Variants in ABCC6 observed in about 807,000 individuals in gnomAD.
ABCC6 encodes the protein ATP binding cassette subfamily C member 6.
ABCC6 carries 126 observed loss-of-function variants against 169.5 expected under a neutral mutation model. That is an observed-to-expected ratio of 0.74 (90% CI 0.64 to 0.86). The LOEUF (loss-of-function observed/expected upper bound fraction) is 0.86, where lower values mean the gene tolerates loss of function less well. ABCC6 is among the 40% of genes least tolerant of loss of function. ABCC6 has a pLI of 0.00. For synonymous variants in ABCC6, 752 were observed against 814.7 expected, an observed-to-expected ratio of 0.92 and a Z score of 1.31; for missense variants, 1,733 against 1,927.2, an observed-to-expected ratio of 0.90 and a Z score of 1.89.
At chr16:16,154,042 C>T (rs2046465706) in intron 29 of ABCC6, among the ~76,000 whole-genome samples, 1 of 152,008 alleles carries the variant, frequency 6.6e-6, no homozygotes, top group East Asian at 1.9e-4. Flanking sequence ...CTTCGCCTCC[C>T]TGGCTCAAGC....
intron 8 of ABCC6, among the ~76,000 whole-genome samples, chr16:16,202,568 A>AC (rs148806931): frequency 0.36 from 54,448 of 149,526 alleles, 12,498 homozygotes; most frequent in African/African-American, 0.65. Context: ...ATCCAATCTG[A>AC]TGGGGTCCTT....
At chr16:16,166,519 G>C (rs762357729) in intron 22 of ABCC6, among the ~76,000 whole-genome samples, 3 of 152,040 alleles carry the variant, frequency 2.0e-5, no homozygotes, top group Non-Finnish European at 2.9e-5. Context: ...ACAAGCCAAG[G>C]AATGCCAGCG....
chr16:16,215,529 A>G (rs2048837112), intron 4 of ABCC6, among the ~76,000 whole-genome samples: 1 of 141,932 alleles, frequency 7.0e-6, no homozygotes, highest in African/African-American at 2.7e-5. Flanking sequence ...GCTGATGTGC[A>G]GTGGCATGAT....
In ABCC6 at chr16:16,175,993, G is replaced by A. The variant is rs1461015650; in HGVS notation, c.2591-7C>T. 5.0e-6 allele frequency: 8 copies of A among 1,613,834 alleles called. No individual in the cohort carries two copies. Among genetic ancestry groups the A allele is most frequent in the Non-Finnish European group, 6.8e-6 (8 of 1,179,938 alleles). On this transcript the variant is annotated splice_region_variant and splice_polypyrimidine_tract_variant and intron_variant, in intron 19 of 30. Coordinates refer to ENST00000205557, the MANE Select transcript of ABCC6 (RefSeq NM_001171.6). ...CTGGTCCCAGGTTCTGTTTCTGCAA[G>A]GTCAAGAGAGTCCTGTCACGCAACA... is the stretch of plus-strand genomic sequence containing the variant.
intron 30 of ABCC6, 122 bp from the exon 31 acceptor site, chr16:16,150,363 C>A: frequency 1.3e-6 from 2 of 1,544,308 alleles, no homozygotes; most frequent in Non-Finnish European, 1.8e-6. Flanking sequence ...CCATGCGGCT[C>A]CCTGGCCCTC....
chr16:16,177,726 T>C, intron 18 of ABCC6, 100 bp from the exon 19 acceptor site: 1 of 1,460,454 alleles, frequency 6.8e-7, no homozygotes, highest in Non-Finnish European at 9.5e-7. Context: ...GTGGATCACT[T>C]GAGGCCAGAA....
intron 26 of ABCC6, 32 bp from the exon 27 acceptor site, chr16:16,157,841 G>A (rs1339854588): frequency 2.5e-6 from 4 of 1,599,944 alleles, no homozygotes; most frequent in Non-Finnish European, 2.5e-6. Context: ...AGTCAGAGGA[G>A]CCTTCCTCTA....
chr16:16,155,449 C>T (rs373282093), intron 27 of ABCC6: 1 of 248,208 alleles, frequency 4.0e-6, no homozygotes, highest in Non-Finnish European at 7.9e-6. Flanking sequence ...AATCCCATCC[C>T]TCCATCTCTC....
chr16:16,219,326 G>C (rs575592394), intron 4 of ABCC6, among the ~76,000 whole-genome samples: 49 of 152,272 alleles, frequency 3.2e-4, no homozygotes, highest in African/African-American at 1.1e-3. Context: ...CAAGTGGCAC[G>C]TGTGATGTGG....
In ABCC6 at chr16:16,163,153, C is replaced by A; in HGVS notation, c.3346G>T (p.Glu1116Ter). The A allele has an allele frequency of 1.2e-6, 2 of 1,613,688 alleles. No homozygotes were observed. Among genetic ancestry groups the A allele is most frequent in the Non-Finnish European group, 1.7e-6 (2 of 1,180,034 alleles). ...VVSSCQLRRL[E>*]SASYSSVCSH... ...CAGACAGACGAGTAGCTGGCTGACTCCAAGCGTCTCAGCTGGCATGAGCTA... is the reference window on the plus strand; with the variant it reads ...CAGACAGACGAGTAGCTGGCTGACTACAAGCGTCTCAGCTGGCATGAGCTA... The change falls in exon 24 of 31, where the codon GAG (glutamate) becomes TAG (stop). Residue 1116 changes from glutamate (E) to a stop codon, truncating the protein, a stop_gained. Coordinates refer to ENST00000205557, the MANE Select transcript of ABCC6 (RefSeq NM_001171.6). LOFTEE classifies it high-confidence loss of function.
chr16:16,181,626 G>C (rs1387345656), intron 17 of ABCC6: 1 of 153,420 alleles, frequency 6.5e-6, no homozygotes, highest in Admixed American at 6.5e-5. Context: ...TGGGAGATGG[G>C]GCTAATGGAT....
At position 16,149,695 on chromosome 16, in the gene ABCC6, A is replaced by G. The variant is rs887589566; in HGVS notation, c.*438T>C. ...GGGTACCAAGTACACGAATCTCTCT[A>G]TATTATTGTTTCTTTAACTGCATGT... On this transcript the variant is annotated 3_prime_UTR_variant, in exon 31 of 31. Coordinates refer to ENST00000205557, the MANE Select transcript of ABCC6 (RefSeq NM_001171.6). 2.0e-4 allele frequency: 65 copies of G among 321,080 alleles called. No individual in the cohort carries two copies. Among genetic ancestry groups the G allele is most frequent in the Admixed American group, 1.7e-3 (38 of 22,708 alleles). The allele number at this position is 321,080 out of a possible 1,614,324, so 19.9% of individuals were successfully genotyped here. A position where few individuals can be genotyped will look rare whatever the true frequency, so the allele number is the denominator to read the frequency against.
rs1295812870 is a variant in ABCC6, at chr16:16,182,263, G to A, written c.2247+149C>T. ...TGATTACGTATTGAGCACCTAGCAC[G>A]TGCTTGACGCTGAGCTGAGCCCTTT... On this transcript the variant is annotated intron_variant, in intron 17 of 30. Transcript: ENST00000205557. 25 of 945,694 alleles carry A rather than the reference G, an allele frequency of 2.6e-5. No homozygotes were observed. The Middle Eastern group carries it at 9.7e-4, about 37-fold the overall frequency. 58.6% of individuals were successfully genotyped at this position (945,694 alleles called of 1,614,324 possible).
intron 4 of ABCC6, among the ~76,000 whole-genome samples, chr16:16,217,144 T>G (rs4781760): frequency 2.6e-5 from 4 of 152,034 alleles, no homozygotes; most frequent in Non-Finnish European, 2.9e-5. Flanking sequence ...TTTTAAATCA[T>G]GATTCCTCTA....
intron 17 of ABCC6, among the ~76,000 whole-genome samples, chr16:16,181,359 AAAAAAAAAAG>A (rs1347541306): frequency 1.6e-5 from 2 of 127,104 alleles, no homozygotes; most frequent in African/African-American, 2.8e-5. Context: ...AAAAAAAAAA[AAAAAAAAAAG>A]AGAAAAAGCA....
At chr16:16,184,225 A>C (rs1213699462) in intron 15 of ABCC6, 1 of 221,636 alleles carries the variant, frequency 4.5e-6, no homozygotes, top group Admixed American at 5.2e-5. Flanking sequence ...AAAAAAAAAA[A>C]AAGAACAGCT....
In ABCC6 at chr16:16,182,874, G is replaced by GC. The variant is rs72664227; in HGVS notation, c.1999dup (p.Ala667GlyfsTer74). The GC allele has an allele frequency of 6.2e-7, 1 of 1,614,024 alleles. No individual in the cohort carries two copies. The highest frequency in any genetic ancestry group is 8.5e-7 in the Non-Finnish European group (1 of 1,180,008). On this transcript the variant is annotated frameshift_variant, in exon 16 of 31. Transcript: ENST00000205557. LOFTEE classifies it high-confidence loss of function. ...GGCGGACAGCAGGGAGGACTTCCCT[G>GC]CCCCCACTGGACCGACAACAGCCAG...
In ABCC6 at chr16:16,192,008, G is replaced by T. The variant is rs527604118; in HGVS notation, c.1431+822C>A. Among the ~76,000 whole-genome samples the T allele has an allele frequency of 2.0e-5, 3 of 152,180 alleles. No individual in the cohort carries two copies. In the East Asian group the frequency reaches 5.8e-4, roughly 29 times the overall value. On this transcript the variant is annotated intron_variant, in intron 11 of 30. Transcript: ENST00000205557. ...CCCTGTAGGTTGTGGGAAGTGCTGT[G>T]GGGGGAAAAAAGCAAAAACAATCCC...
At chr16:16,193,341 T>C (rs1263013943) in intron 10 of ABCC6, among the ~76,000 whole-genome samples, 1 of 152,122 alleles carries the variant, frequency 6.6e-6, no homozygotes, top group Non-Finnish European at 1.5e-5. Flanking sequence ...GAAATAACCA[T>C]AAAAATGGGC....
Sources: allele counts gnomAD v4.1 joint callset (sites outside exome capture counted in the v4.1 genomes callset), GRCh38; gene constraint gnomAD v4.1.1; transcripts MANE v1.5; gene names NCBI Gene and HGNC (gene_info 2026-07-23, HGNC 2026-07-21).